AP3S2: variants seen among roughly 807,000 people sequenced by gnomAD.
AP3S2 encodes the protein AP-3 complex subunit sigma-2.
In AP3S2, 22 loss-of-function variants were observed where a neutral mutation model predicts 23.4. The observed-to-expected ratio is 0.94, with a 90% confidence interval of 0.67 to 1.34. AP3S2 has a LOEUF of 1.34. AP3S2 is among the 40% of genes most tolerant of loss of function. AP3S2 has a pLI of 0.00. For synonymous variants in AP3S2, 86 were observed against 87.1 expected (o/e 0.99, Z 0.07); for missense variants, 241 against 236.9 (o/e 1.02, Z -0.11).
At chr15:89,862,777 A>G (rs1896035249) in intron 4 of AP3S2, among the ~76,000 whole-genome samples, 1 of 152,154 alleles carries the variant, frequency 6.6e-6, no homozygotes, top group East Asian at 1.9e-4. Context: ...TAGATGTGAG[A>G]ATGACATTAG....
intron 4 of AP3S2, among the ~76,000 whole-genome samples, chr15:89,853,717 C>T (rs1447465132): frequency 1.5e-4 from 19 of 125,598 alleles, no homozygotes; most frequent in Admixed American, 1.3e-3. Context: ...CGTCTCTGCC[C>T]GGCCGCCCAT....
chr15:89,883,297 T>A (rs570034250), intron 3 of AP3S2, among the ~76,000 whole-genome samples: 1 of 152,210 alleles, frequency 6.6e-6, no homozygotes, highest in African/African-American at 2.4e-5. Context: ...CTTACATTGA[T>A]AACTTACCTC....
rs143635547 is a variant in AP3S2 at position 89,835,105 on chromosome 15, A to T, written c.*410T>A. On this transcript the variant is annotated 3_prime_UTR_variant, in exon 6 of 6. Transcript: ENST00000336418. ...ACCTCAGAAGTCTGTGGTGCTAAGG[A>T]TGAAGACTCTACTCAGAGAAGGTGC... 45 of 217,362 alleles carry T rather than the reference A, an allele frequency of 2.1e-4. No homozygotes were observed. In the East Asian group the frequency reaches 3.4e-3, roughly 17 times the overall value. 13.5% of individuals were successfully genotyped at this position (217,362 alleles called of 1,614,324 possible).
At chr15:89,861,214 A>G (rs1896002684) in intron 4 of AP3S2, among the ~76,000 whole-genome samples, 1 of 152,160 alleles carries the variant, frequency 6.6e-6, no homozygotes, top group South Asian at 2.1e-4. Context: ...AGAGATTTAA[A>G]ATTCCATACT....
chr15:89,888,755 C>G, intron 2 of AP3S2, 123 bp from the exon 3 acceptor site: 2 of 1,109,748 alleles, frequency 1.8e-6, no homozygotes, highest in Non-Finnish European at 2.5e-6. Flanking sequence ...AGAAGCAGGC[C>G]ATTCTTACTA....
chr15:89,855,438 CTTGT>C, intron 4 of AP3S2, among the ~76,000 whole-genome samples: 1 of 107,786 alleles, frequency 9.3e-6, no homozygotes, highest in East Asian at 2.9e-4. Context: ...CCTTTGTTCA[CTTGT>C]TTATCTGCTG....
At chr15:89,848,012 T>C (rs1567174973) in intron 4 of AP3S2, among the ~76,000 whole-genome samples, 1 of 152,170 alleles carries the variant, frequency 6.6e-6, no homozygotes. Context: ...AGAGGATAAG[T>C]AAAATCTTTT....
At chr15:89,859,729 A>T in intron 4 of AP3S2, among the ~76,000 whole-genome samples, 2 of 136,912 alleles carry the variant, frequency 1.5e-5, no homozygotes, top group Admixed American at 7.4e-5. Flanking sequence ...AATTACAGGG[A>T]TTTTAGAAAT....
chr15:89,851,551 C>G (rs528241270), intron 4 of AP3S2, among the ~76,000 whole-genome samples: 1 of 152,184 alleles, frequency 6.6e-6, no homozygotes, highest in South Asian at 2.1e-4. Context: ...GTTGGCCAGG[C>G]TGATCTTGAA....
chr15:89,844,382 G>A (rs1895434915), intron 4 of AP3S2, among the ~76,000 whole-genome samples: 1 of 150,622 alleles, frequency 6.6e-6, no homozygotes, highest in Non-Finnish European at 1.5e-5. Context: ...CTGTCACCCA[G>A]GCTGGAGTGC....
intron 3 of AP3S2, among the ~76,000 whole-genome samples, chr15:89,881,201 G>A (rs956490485): frequency 8.5e-5 from 13 of 152,204 alleles, no homozygotes; most frequent in Non-Finnish European, 1.8e-4. Context: ...TAGTGAAGAT[G>A]AGCGTGTATA....
chr15:89,874,074 G>A (rs1896384392), intron 3 of AP3S2, among the ~76,000 whole-genome samples: 1 of 149,662 alleles, frequency 6.7e-6, no homozygotes, highest in Non-Finnish European at 1.5e-5. Context: ...AGTAGAGATA[G>A]GGTTTCACCA....
At chr15:89,853,991 G>C (rs1195447643) in intron 4 of AP3S2, among the ~76,000 whole-genome samples, 1 of 49,710 alleles carries the variant, frequency 2.0e-5, no homozygotes, top group Non-Finnish European at 4.1e-5. Context: ...GTCTCCGCCC[G>C]GCAGCCACCC....
At chr15:89,844,269 TTCTC>T (rs796817436) in intron 4 of AP3S2, among the ~76,000 whole-genome samples, 635 of 12,062 alleles carry the variant, frequency 0.053, 5 homozygotes, top group East Asian at 0.2. Context: ...CTTTCTTTCT[TTCTC>T]TCTCTCTCTC....
intron 4 of AP3S2, among the ~76,000 whole-genome samples, chr15:89,858,438 T>C (rs149785013): frequency 1.4e-5 from 2 of 140,478 alleles, no homozygotes; most frequent in Non-Finnish European, 3.1e-5. Flanking sequence ...CGAAACTCCA[T>C]CTCAAAAAAA....
At chr15:89,840,482 C>T (rs910929119) in intron 4 of AP3S2, among the ~76,000 whole-genome samples, 2 of 152,110 alleles carry the variant, frequency 1.3e-5, no homozygotes. Flanking sequence ...GGCTGGAGTA[C>T]AGTGGTGTGA....
At chr15:89,841,954 A>G (rs1290795739) in intron 4 of AP3S2, among the ~76,000 whole-genome samples, 1 of 152,210 alleles carries the variant, frequency 6.6e-6, no homozygotes, top group Admixed American at 6.5e-5. Flanking sequence ...TGGTAATAAA[A>G]TATTTTACAC....
rs3837696 is a variant in AP3S2, at chr15:89,834,899, C to CAA, written c.*614_*615dup. On this transcript the variant is annotated 3_prime_UTR_variant, in exon 6 of 6. Coordinates refer to ENST00000336418, the MANE Select transcript of AP3S2 (RefSeq NM_005829.5). ...TGGGTGACAGAGCAAGACTCCACCT[C>CAA]AAAAAAAAAAAACCACAAAAAAACA... 6.6e-5 allele frequency: 9 copies of CAA among 135,686 alleles called. No homozygotes were observed. The highest frequency in any genetic ancestry group is 2.4e-4 in the South Asian group (1 of 4,242). The allele number at this position is 135,686 out of a possible 1,614,324, so 8.4% of individuals were successfully genotyped here.
chr15:89,846,153 G>A (rs1476161576), intron 4 of AP3S2, among the ~76,000 whole-genome samples: 1 of 152,110 alleles, frequency 6.6e-6, no homozygotes, highest in African/African-American at 2.4e-5. Flanking sequence ...CCAAGATCAA[G>A]ATACATAAAT....
Sources: allele counts gnomAD v4.1 joint callset (sites outside exome capture counted in the v4.1 genomes callset), GRCh38; gene constraint gnomAD v4.1.1; transcripts MANE v1.5; gene names NCBI Gene and HGNC (gene_info 2026-07-23, HGNC 2026-07-21).